ZBTB7C: variants seen among roughly 807,000 people sequenced by gnomAD.
ZBTB7C encodes zinc finger and BTB domain containing 7C.
ZBTB7C carries 8 observed loss-of-function variants against 25.7 expected under a neutral mutation model. The observed-to-expected ratio is 0.31, with a 90% confidence interval of 0.18 to 0.56. The LOEUF (loss-of-function observed/expected upper bound fraction) is 0.56, where lower values mean the gene tolerates loss of function less well. ZBTB7C is among the 20% of genes least tolerant of loss of function. The pLI is 0.91. For missense variants in ZBTB7C, 824 were observed against 855.2 expected (o/e 0.96, Z 0.46); for synonymous variants, 394 against 369.0 (o/e 1.07, Z -0.78).
At chr18:48,111,480 A>G (rs1362968079) in intron 3 of ZBTB7C, among the ~76,000 whole-genome samples, 1 of 152,208 alleles carries the variant, frequency 6.6e-6, no homozygotes, top group Non-Finnish European at 1.5e-5. Context: ...CATTTCCTCA[A>G]TATTTGGTAA....
At chr18:48,107,647 C>T (rs528119291) in intron 3 of ZBTB7C, among the ~76,000 whole-genome samples, 2 of 152,198 alleles carry the variant, frequency 1.3e-5, no homozygotes, top group Admixed American at 1.3e-4. Context: ...CGGTAGTGGG[C>T]GGGGCAGGGC....
Position 48,298,343 on chromosome 18 carries a change from GC to G in ZBTB7C, c.-79+39830del, listed in dbSNP as rs1352269077. Among the ~76,000 whole-genome samples the G allele has an allele frequency of 3.4e-4, 52 of 151,542 alleles. 1 individual carries two copies. The highest frequency in any genetic ancestry group is 1.3e-3 in the African/African-American group (52 of 41,322). ...TACTTGTCCTCCTGGGGACAGACCTGCCCCCTGTCCTTCCCTTTGAGGGCAC... is the reference window on the plus strand; with the variant it reads ...TACTTGTCCTCCTGGGGACAGACCTGCCCCTGTCCTTCCCTTTGAGGGCAC... On this transcript the variant is annotated intron_variant, in intron 2 of 4. Transcript: ENST00000590800.
intron 2 of ZBTB7C, among the ~76,000 whole-genome samples, chr18:48,220,968 T>C (rs1444871602): frequency 1.3e-5 from 2 of 151,916 alleles, no homozygotes; most frequent in Admixed American, 1.3e-4. Flanking sequence ...TCTCCCTCTA[T>C]ACTGTCCTAG....
chr18:48,053,621 C>T (rs1312751108), intron 3 of ZBTB7C, among the ~76,000 whole-genome samples: 2 of 152,110 alleles, frequency 1.3e-5, no homozygotes, highest in Middle Eastern at 3.2e-3. Context: ...GAGGTAGAGC[C>T]GAGGCTTGAA....
At chr18:48,249,734 T>C (rs1332049195) in intron 2 of ZBTB7C, among the ~76,000 whole-genome samples, 1 of 152,224 alleles carries the variant, frequency 6.6e-6, no homozygotes, top group Non-Finnish European at 1.5e-5. Context: ...GCACCAACTA[T>C]CAATTTGTAC....
rs1431983246 is a variant in ZBTB7C, at chr18:48,286,474, A to G, written c.-79+51700T>C. ...ATATCAATGAAAGTATTTCTAAAAT[A>G]TGGACAGATTACTACTTGATGCAAT... On this transcript the variant is annotated intron_variant, in intron 2 of 4. Transcript: ENST00000590800. Among the ~76,000 whole-genome samples, 3 of 152,312 alleles carry G rather than the reference A, an allele frequency of 2.0e-5. No homozygotes were observed. In the East Asian group the frequency reaches 5.8e-4, roughly 29 times the overall value.
At chr18:48,055,150 A>G (rs1489823146) in intron 3 of ZBTB7C, among the ~76,000 whole-genome samples, 2 of 151,920 alleles carry the variant, frequency 1.3e-5, no homozygotes, top group African/African-American at 2.4e-5. Flanking sequence ...TCACCTCCCA[A>G]AGTAATCCCA....
chr18:48,309,018 T>TTC (rs958965411), intron 2 of ZBTB7C, among the ~76,000 whole-genome samples: 1 of 152,172 alleles, frequency 6.6e-6, no homozygotes, highest in Non-Finnish European at 1.5e-5. Context: ...TTCTAGAACA[T>TTC]TCCAGGCCAG....
At chr18:48,088,060 A>G (rs143510774) in intron 3 of ZBTB7C, among the ~76,000 whole-genome samples, 6 of 152,180 alleles carry the variant, frequency 3.9e-5, no homozygotes, top group Non-Finnish European at 8.8e-5. Context: ...TTTATCCTCC[A>G]TATCCACCTT....
chr18:48,254,612 T>C (rs935661410), intron 2 of ZBTB7C, among the ~76,000 whole-genome samples: 1 of 152,152 alleles, frequency 6.6e-6, no homozygotes, highest in African/African-American at 2.4e-5. Context: ...TCCATGTCAT[T>C]AATCTTCTTG....
chr18:48,233,101 A>G (rs562706790), intron 2 of ZBTB7C, among the ~76,000 whole-genome samples: 19 of 152,356 alleles, frequency 1.2e-4, no homozygotes, highest in African/African-American at 4.3e-4. Context: ...TTCCCAATGC[A>G]GCATTGGCAG....
chr18:48,391,753 G>C (rs2047907891), intron 1 of ZBTB7C, among the ~76,000 whole-genome samples: 1 of 152,164 alleles, frequency 6.6e-6, no homozygotes, highest in African/African-American at 2.4e-5. Flanking sequence ...GGTCTGGGTA[G>C]GGTGGGACCC....
At chr18:48,303,749 C>T (rs1212371903) in intron 2 of ZBTB7C, among the ~76,000 whole-genome samples, 1 of 152,210 alleles carries the variant, frequency 6.6e-6, no homozygotes, top group African/African-American at 2.4e-5. Flanking sequence ...CCAGGCTTAG[C>T]CCCACTTCCA....
chr18:48,128,292 A>G (rs1479869445), intron 3 of ZBTB7C, among the ~76,000 whole-genome samples: 2 of 152,206 alleles, frequency 1.3e-5, no homozygotes, highest in Non-Finnish European at 2.9e-5. Flanking sequence ...GTGGCTAGAA[A>G]TGTGGCACGA....
chr18:48,298,713 T>G (rs527870396), intron 2 of ZBTB7C, among the ~76,000 whole-genome samples: 1 of 152,328 alleles, frequency 6.6e-6, no homozygotes, highest in Admixed American at 6.5e-5. Flanking sequence ...CGGAGCCCTC[T>G]GGGGTATAGT....
chr18:48,359,278 C>G (rs1326687919), intron 1 of ZBTB7C, among the ~76,000 whole-genome samples: 2 of 152,028 alleles, frequency 1.3e-5, no homozygotes, highest in African/African-American at 4.8e-5. Flanking sequence ...AATTTTTTCT[C>G]TGTGTCATTT....
chr18:48,284,503 ACAT>A (rs573950657), intron 2 of ZBTB7C, among the ~76,000 whole-genome samples: 338 of 152,134 alleles, frequency 2.2e-3, no homozygotes, highest in Non-Finnish European at 2.5e-3. Flanking sequence ...CTGTTAAGAA[ACAT>A]CATCCGGCTG....
intron 3 of ZBTB7C, among the ~76,000 whole-genome samples, chr18:48,155,148 TG>T (rs1279137901): frequency 6.6e-6 from 1 of 152,110 alleles, no homozygotes; most frequent in Non-Finnish European, 1.5e-5. Context: ...CCATGTGACA[TG>T]GGCCCCAAGG....
intron 1 of ZBTB7C, among the ~76,000 whole-genome samples, chr18:48,388,177 G>A (rs759503992): frequency 9.2e-5 from 14 of 152,160 alleles, no homozygotes; most frequent in South Asian, 2.1e-4. Flanking sequence ...CTGAAATCCC[G>A]GGCACACTTC....
Sources: gnomAD v4.1 joint callset for allele counts (sites outside exome capture counted in the v4.1 genomes callset) on GRCh38, gnomAD v4.1.1 for gene constraint, MANE v1.5 for transcripts, NCBI Gene and HGNC (gene_info 2026-07-23, HGNC 2026-07-21) for gene names.